USP47: variants seen among roughly 807,000 people sequenced by gnomAD.
USP47 encodes ubiquitin specific peptidase 47.
A neutral mutation model predicts 165.1 loss-of-function variants in USP47; 35 were observed. The ratio of observed to expected loss-of-function variants is 0.21; its 90% CI spans 0.16 to 0.28. The LOEUF (loss-of-function observed/expected upper bound fraction) is 0.28, where lower values mean the gene tolerates loss of function less well. Among genes scored for constraint, USP47 ranks in the 10% least tolerant of loss-of-function variants. The probability of loss-of-function intolerance (pLI) is 1.00; values close to 1 mark genes in which losing one functional copy is unlikely to be tolerated. For missense variants in USP47, 1,277 were observed against 1,607.4 expected (o/e 0.79, Z 3.52); for synonymous variants, 531 against 544.5 (o/e 0.98, Z 0.35).
intron 1 of USP47, among the ~76,000 whole-genome samples, chr11:11,877,619 G>T (rs961695153): frequency 6.6e-6 from 1 of 152,056 alleles, no homozygotes; most frequent in Non-Finnish European, 1.5e-5. Flanking sequence ...TTATTAATCC[G>T]TATACTAACA....
At chr11:11,865,728 G>A (rs1849639595) in intron 1 of USP47, among the ~76,000 whole-genome samples, 2 of 151,886 alleles carry the variant, frequency 1.3e-5, no homozygotes, top group Admixed American at 6.6e-5. Flanking sequence ...CTTATAATGG[G>A]TGTGAAGTCG....
intron 27 of USP47, among the ~76,000 whole-genome samples, chr11:11,955,496 C>T (rs574060098): frequency 3.0e-4 from 46 of 152,108 alleles, no homozygotes; most frequent in African/African-American, 1.0e-3. Context: ...TGTTATATTT[C>T]CAGCACATCT....
chr11:11,866,814 T>G (rs561952706), intron 1 of USP47, among the ~76,000 whole-genome samples: 1 of 152,196 alleles, frequency 6.6e-6, no homozygotes, highest in Admixed American at 6.5e-5. Context: ...CTTTTTCCTA[T>G]TGACAAATTA....
At chr11:11,845,898 C>T (rs962377740) in intron 1 of USP47, among the ~76,000 whole-genome samples, 6 of 152,172 alleles carry the variant, frequency 3.9e-5, no homozygotes, top group Admixed American at 3.9e-4. Context: ...AGTTGCCTTA[C>T]AGAAATGTTA....
At chr11:11,921,352 A>G (rs930309794) in intron 10 of USP47, among the ~76,000 whole-genome samples, 3 of 151,688 alleles carry the variant, frequency 2.0e-5, no homozygotes, top group East Asian at 3.9e-4. Context: ...ATTTAGTACT[A>G]TTGAGTACTA....
Position 11,947,926 on chromosome 11 carries a change from G to T in USP47, c.3092-19G>T, listed in dbSNP as rs753101870. ...CTTTTACATTTTTGTTCCTGTTTTG[G>T]TTTTTTTTTTGTGCTTAGGGTTGAT... On this transcript the variant is annotated intron_variant, in intron 20 of 27. Coordinates refer to ENST00000527733, the MANE Select transcript of USP47 (RefSeq NM_001282659.2). The T allele has an allele frequency of 3.8e-5, 51 of 1,334,434 alleles. No homozygotes were observed. In the East Asian group the frequency reaches 6.4e-4, roughly 17 times the overall value. 82.7% of individuals were successfully genotyped at this position (1,334,434 alleles called of 1,614,324 possible).
At chr11:11,889,707 TTA>T (rs1851389567) in intron 3 of USP47, among the ~76,000 whole-genome samples, 1 of 152,242 alleles carries the variant, frequency 6.6e-6, no homozygotes, top group African/African-American at 2.4e-5. Context: ...AAAATCTATT[TTA>T]AAATTCATAT....
intron 3 of USP47, among the ~76,000 whole-genome samples, chr11:11,885,222 A>G (rs1851079024): frequency 6.6e-6 from 1 of 152,150 alleles, no homozygotes; most frequent in African/African-American, 2.4e-5. Context: ...TGAGTTAAAA[A>G]AGAGTAAGAG....
At chr11:11,849,395 G>A (rs1408083099) in intron 1 of USP47, among the ~76,000 whole-genome samples, 2 of 152,140 alleles carry the variant, frequency 1.3e-5, no homozygotes, top group South Asian at 2.1e-4. Context: ...AGGAGAGTGC[G>A]GGTGTGTGCT....
intron 20 of USP47, chr11:11,943,949 C>T (rs1855653637): frequency 6.6e-6 from 1 of 151,748 alleles, no homozygotes; most frequent in African/African-American, 2.4e-5. Context: ...TCATTTAAAG[C>T]TTCTCCAAAC....
At chr11:11,929,776 A>G (rs918864934) in intron 12 of USP47, among the ~76,000 whole-genome samples, 1 of 152,100 alleles carries the variant, frequency 6.6e-6, no homozygotes, top group Non-Finnish European at 1.5e-5. Flanking sequence ...GGCTTGCTGA[A>G]TATCTCCAGA....
chr11:11,859,331 A>G (rs566033788), intron 1 of USP47, among the ~76,000 whole-genome samples: 3 of 152,192 alleles, frequency 2.0e-5, no homozygotes, highest in Non-Finnish European at 2.9e-5. Flanking sequence ...CTCTTTGAGA[A>G]AGGGATTTAC....
Position 11,961,540 on chromosome 11 carries a change from G to C in USP47, c.*5365G>C, listed in dbSNP as rs557416816. 1.3e-5 allele frequency among the ~76,000 whole-genome samples: 2 copies of C among 152,314 alleles called. No homozygotes were observed. The highest frequency in any genetic ancestry group is 3.9e-4 in the East Asian group (2 of 5,168). ...AGCAAGGAAATGGACTCTCCCCAGAGCCTCCAGAGGAATGCAGCCCTGTTG... is the reference window on the plus strand; with the variant it reads ...AGCAAGGAAATGGACTCTCCCCAGACCCTCCAGAGGAATGCAGCCCTGTTG... On this transcript the variant is annotated 3_prime_UTR_variant, in exon 28 of 28. Coordinates refer to ENST00000527733, the MANE Select transcript of USP47 (RefSeq NM_001282659.2).
rs773963277 is a variant in USP47, at chr11:11,948,019, T to C, written c.3166T>C (p.Leu1056=). 2.5e-6 allele frequency: 4 copies of C among 1,613,832 alleles called. No homozygotes were observed. The highest frequency in any genetic ancestry group is 3.4e-6 in the Non-Finnish European group (4 of 1,179,904). ...KQHLEPFVGV[L]SSHFKVFRVY... ...ACATTTAGAGCCCTTTGTTGGAGTT[T>C]TGTCCTCTCACTTCAAGGTCTTTCG... The change falls in exon 21 of 28, where the codon TTG becomes CTG. Residue 1056 remains leucine (L), a synonymous_variant. Coordinates refer to ENST00000527733, the MANE Select transcript of USP47 (RefSeq NM_001282659.2).
chr11:11,960,241 G>A lies in USP47; in HGVS notation c.*4066G>A, dbSNP rs182797584. On this transcript the variant is annotated 3_prime_UTR_variant, in exon 28 of 28. Coordinates refer to ENST00000527733, the MANE Select transcript of USP47 (RefSeq NM_001282659.2). ...ACCAGCTTGACTGGTGGTGGAAGAG[G>A]CCAGGAAGAGCGGGGGGAAGACATG... Among the ~76,000 whole-genome samples, 161 of 152,314 alleles carry A rather than the reference G, an allele frequency of 1.1e-3. No individual in the cohort carries two copies. In the Middle Eastern group the frequency reaches 0.014, roughly 13 times the overall value.
intron 1 of USP47, among the ~76,000 whole-genome samples, chr11:11,873,023 T>C (rs1487969319): frequency 6.6e-6 from 1 of 152,180 alleles, no homozygotes; most frequent in Non-Finnish European, 1.5e-5. Context: ...TTAAAAGTAC[T>C]CTCTCTGTAT....
Position 11,897,579 on chromosome 11 carries a change from T to G in USP47, c.497-18T>G. On this transcript the variant is annotated intron_variant, in intron 4 of 27. Coordinates refer to ENST00000527733, the MANE Select transcript of USP47 (RefSeq NM_001282659.2). Reference sequence around the variant, plus strand: ...ATGTAAATGCTGATTAATGTACATTTGTATTTTCTCTTTAAAGGATATGTG... The same window carrying G: ...ATGTAAATGCTGATTAATGTACATTGGTATTTTCTCTTTAAAGGATATGTG... 6.5e-7 allele frequency: 1 copy of G among 1,543,808 alleles called. No individual in the cohort carries two copies.
At chr11:11,894,105 G>C (rs1851706979) in intron 4 of USP47, among the ~76,000 whole-genome samples, 1 of 152,114 alleles carries the variant, frequency 6.6e-6, no homozygotes, top group Non-Finnish European at 1.5e-5. Context: ...ACACTATCTA[G>C]AGTAGTGATT....
intron 1 of USP47, among the ~76,000 whole-genome samples, chr11:11,843,925 T>C (rs1280862836): frequency 6.6e-6 from 1 of 152,196 alleles, no homozygotes; most frequent in Non-Finnish European, 1.5e-5. Context: ...ATGGACCATA[T>C]GCCTTTATTG....
Sources: allele counts gnomAD v4.1 joint callset (sites outside exome capture counted in the v4.1 genomes callset), GRCh38; gene constraint gnomAD v4.1.1; transcripts MANE v1.5; gene names NCBI Gene and HGNC (gene_info 2026-07-23, HGNC 2026-07-21).